PPP2R2B: variants seen among roughly 807,000 people sequenced by gnomAD.
PPP2R2B encodes the protein protein phosphatase 2 regulatory subunit Bbeta, also known as serine/threonine-protein phosphatase 2A 55 kDa regulatory subunit B beta isoform.
A neutral mutation model predicts 46.0 loss-of-function variants in PPP2R2B; 5 were observed. That is an observed-to-expected ratio of 0.11 (90% CI 0.06 to 0.23). The LOEUF (loss-of-function observed/expected upper bound fraction) is 0.23, where lower values mean the gene tolerates loss of function less well. Ranked by LOEUF, PPP2R2B falls within the 10% of genes least tolerant of loss-of-function variation. PPP2R2B has a pLI of 1.00. For synonymous variants in PPP2R2B, 215 were observed against 206.7 expected, an observed-to-expected ratio of 1.04 and a Z score of -0.34; for missense variants, 367 against 575.0, an observed-to-expected ratio of 0.64 and a Z score of 3.70.
chr5:146,969,906 C>A (rs1364109714), intron 1 of PPP2R2B, among the ~76,000 whole-genome samples: 1 of 152,140 alleles, frequency 6.6e-6, no homozygotes, highest in Non-Finnish European at 1.5e-5. Flanking sequence ...GAGATATCCA[C>A]GAAGCAGTTG....
At chr5:147,065,845 AAG>A (rs1345873333) in intron 2 of PPP2R2B, among the ~76,000 whole-genome samples, 1 of 152,050 alleles carries the variant, frequency 6.6e-6, no homozygotes, top group East Asian at 1.9e-4. Context: ...ACAAAAATGA[AAG>A]AGTTTATGGG....
At chr5:147,005,697 C>A (rs1314229564) in intron 1 of PPP2R2B, among the ~76,000 whole-genome samples, 4 of 148,578 alleles carry the variant, frequency 2.7e-5, no homozygotes, top group African/African-American at 7.5e-5. Context: ...GAAACAGAGA[C>A]AAAAAGAAGA....
intron 2 of PPP2R2B, among the ~76,000 whole-genome samples, chr5:146,728,138 CT>C (rs757396751): frequency 0.063 from 5,172 of 82,218 alleles, 131 homozygotes; most frequent in African/African-American, 0.17. Flanking sequence ...GAAACACTTA[CT>C]TTTTTTTTTT....
chr5:146,814,935 C>T (rs1042922765), intron 2 of PPP2R2B, among the ~76,000 whole-genome samples: 1 of 152,206 alleles, frequency 6.6e-6, no homozygotes, highest in Non-Finnish European at 1.5e-5. Context: ...TTATGCCCCT[C>T]AGTTGAATTC....
chr5:147,056,800 A>G (rs899047933), upstream of PPP2R2B, among the ~76,000 whole-genome samples: 8 of 152,176 alleles, frequency 5.3e-5, no homozygotes, highest in Admixed American at 2.0e-4. Flanking sequence ...CCATGAAATA[A>G]TAATGACTTT....
chr5:147,000,885 AT>A (rs1658484396), intron 1 of PPP2R2B, among the ~76,000 whole-genome samples: 2 of 152,002 alleles, frequency 1.3e-5, no homozygotes. Context: ...GGGAATCTTT[AT>A]GTTTCTTCAA....
intron 1 of PPP2R2B, among the ~76,000 whole-genome samples, chr5:146,985,723 AG>A (rs1196447020): frequency 6.6e-6 from 1 of 152,180 alleles, no homozygotes; most frequent in African/African-American, 2.4e-5. Flanking sequence ...CCTTTGTCAG[AG>A]CAATTAGGCA....
chr5:146,706,831 C>T (rs1225828184), intron 2 of PPP2R2B: 3 of 980,632 alleles, frequency 3.1e-6, no homozygotes, highest in Non-Finnish European at 3.3e-6. Context: ...GTACCTTGAC[C>T]TCAGCGATGA....
At chr5:146,790,114 G>A (rs189171591) in intron 2 of PPP2R2B, among the ~76,000 whole-genome samples, 1 of 152,166 alleles carries the variant, frequency 6.6e-6, no homozygotes, top group Admixed American at 6.5e-5. Flanking sequence ...ATTGCCCTTC[G>A]GGACTGCTCT....
intron 9 of PPP2R2B, among the ~76,000 whole-genome samples, chr5:146,592,529 T>A (rs565688351): frequency 6.6e-6 from 1 of 152,192 alleles, no homozygotes; most frequent in African/African-American, 2.4e-5. Context: ...ATAAATGAGG[T>A]TGACTAGAAT....
chr5:146,701,638 C>A (rs1779545297), intron 2 of PPP2R2B, among the ~76,000 whole-genome samples: 1 of 152,206 alleles, frequency 6.6e-6, no homozygotes. Flanking sequence ...ATTGGGAAAA[C>A]TCTGCCAGTC....
At chr5:146,831,071 C>T (rs1473707768) in intron 2 of PPP2R2B, among the ~76,000 whole-genome samples, 1 of 151,784 alleles carries the variant, frequency 6.6e-6, no homozygotes, top group Non-Finnish European at 1.5e-5. Flanking sequence ...GAGCACATAC[C>T]GTTATGTACA....
chr5:146,702,489 T>C (rs893452920), intron 2 of PPP2R2B, among the ~76,000 whole-genome samples: 19 of 152,196 alleles, frequency 1.2e-4, no homozygotes, highest in African/African-American at 4.6e-4. Context: ...CAAAGTAACA[T>C]AGGTGAACTA....
intron 5 of PPP2R2B, among the ~76,000 whole-genome samples, chr5:146,681,750 G>T (rs1265217811): frequency 6.6e-6 from 1 of 152,130 alleles, no homozygotes; most frequent in Non-Finnish European, 1.5e-5. Context: ...AAAAAGGCCA[G>T]AACTCTGCCC....
At chr5:146,775,494 C>T (rs1185477313) in intron 2 of PPP2R2B, among the ~76,000 whole-genome samples, 1 of 152,140 alleles carries the variant, frequency 6.6e-6, no homozygotes, top group Admixed American at 6.5e-5. Flanking sequence ...GGAACATCCT[C>T]AATTTGATAA....
chr5:146,891,237 C>A (rs1762483072), intron 1 of PPP2R2B, among the ~76,000 whole-genome samples: 1 of 152,160 alleles, frequency 6.6e-6, no homozygotes. Flanking sequence ...GGGCAAGTTT[C>A]TTAATCATGT....
At chr5:146,837,993 C>T (rs1185507528) in intron 2 of PPP2R2B, among the ~76,000 whole-genome samples, 3 of 152,150 alleles carry the variant, frequency 2.0e-5, no homozygotes, top group Non-Finnish European at 4.4e-5. Context: ...TCTTCTCATA[C>T]TATTTTAAGA....
At chr5:146,709,730 G>C (rs1780112372) in intron 2 of PPP2R2B, among the ~76,000 whole-genome samples, 1 of 152,238 alleles carries the variant, frequency 6.6e-6, no homozygotes, top group South Asian at 2.1e-4. Context: ...CTAAGAAGCT[G>C]AGTATGACAG....
chr5:146,790,576 T>C (rs1020580304), intron 2 of PPP2R2B, among the ~76,000 whole-genome samples: 4 of 152,264 alleles, frequency 2.6e-5, no homozygotes, highest in Admixed American at 1.3e-4. Flanking sequence ...GGGATGAGCA[T>C]ATGATGGGGA....
Sources: gnomAD v4.1 joint callset for allele counts (sites outside exome capture counted in the v4.1 genomes callset) on GRCh38, gnomAD v4.1.1 for gene constraint, MANE v1.5 for transcripts, NCBI Gene and HGNC (gene_info 2026-07-23, HGNC 2026-07-21) for gene names.